The following ITGA6 variants were observed in gnomAD, a reference collection of about 807,000 sequenced individuals.
The protein encoded by ITGA6 is integrin alpha-6.
Under a neutral mutation model 133.6 loss-of-function variants are expected in ITGA6, and 63 were observed. That is an observed-to-expected ratio of 0.47 (90% CI 0.38 to 0.58). The LOEUF (loss-of-function observed/expected upper bound fraction) is 0.58. Among genes scored for constraint, ITGA6 ranks in the 20% least tolerant of loss-of-function variants. The pLI is 0.00. For missense variants in ITGA6, 1,068 were observed against 1,309.4 expected, an observed-to-expected ratio of 0.82 and a Z score of 2.85; for synonymous variants, 434 against 482.0, an observed-to-expected ratio of 0.90 and a Z score of 1.30.
intron 1 of ITGA6, among the ~76,000 whole-genome samples, chr2:172,435,565 G>C (rs1437831749): frequency 8.6e-5 from 13 of 151,074 alleles, no homozygotes; most frequent in Non-Finnish European, 1.5e-5. Context: ...CCTGTTGATT[G>C]GACCTAAGGA....
intron 1 of ITGA6, among the ~76,000 whole-genome samples, chr2:172,438,863 A>G (rs1044247827): frequency 2.0e-5 from 3 of 151,930 alleles, no homozygotes; most frequent in African/African-American, 4.8e-5. Context: ...ACAGGCCGCC[A>G]TGAAGTATAC....
chr2:172,487,266 A>G lies in ITGA6; in HGVS notation c.1973A>G (p.Gln658Arg), dbSNP rs767064240. ...NQDKFSYLPIQKGVPELVLKD... is the reference protein window; with the variant it reads ...NQDKFSYLPIRKGVPELVLKD... ...TCTTGTTTTCTTATTTTTAATAGTCAAAAAGGTGTACCAGAACTAGTTCTA... is the reference window on the plus strand; with the variant it reads ...TCTTGTTTTCTTATTTTTAATAGTCGAAAAGGTGTACCAGAACTAGTTCTA... The change falls in exon 15 of 26, where the codon CAA (glutamine) becomes CGA (arginine). Residue 658 changes from glutamine (Q) to arginine (R), a missense_variant and splice_region_variant. Physicochemically the swap from Gln to Arg is conservative, Grantham distance 43. Transcript: ENST00000684293. 3 of 1,611,050 alleles carry G rather than the reference A, an allele frequency of 1.9e-6. No individual in the cohort carries two copies. The South Asian group carries it at 3.3e-5, about 18-fold the overall frequency.
rs76161567 is a variant in ITGA6 at position 172,453,036 on chromosome 2, G to A, written c.183-12503G>A. Among the ~76,000 whole-genome samples the A allele has an allele frequency of 9.6e-3, 1,465 of 152,278 alleles. 22 individuals are homozygous for A. The highest frequency in any genetic ancestry group is 0.033 in the African/African-American group (1,375 of 41,550). On this transcript the variant is annotated intron_variant, in intron 1 of 25. Transcript: ENST00000684293. ...GGGAGGTGGGCCCCGTCACAGCATA[G>A]GGCAGAGCAGTCACTTAGCAAGGAG... is the stretch of plus-strand genomic sequence containing the variant.
At chr2:172,456,438 G>A (rs951447270) in intron 1 of ITGA6, among the ~76,000 whole-genome samples, 6 of 152,192 alleles carry the variant, frequency 3.9e-5, no homozygotes, top group South Asian at 2.1e-4. Context: ...CTTTCTATCC[G>A]AGCCTGGGGT....
At chr2:172,493,363 A>G (rs748414664) in intron 23 of ITGA6, among the ~76,000 whole-genome samples, 2 of 152,218 alleles carry the variant, frequency 1.3e-5, no homozygotes, top group African/African-American at 4.8e-5. Context: ...CTTTCTCTGC[A>G]TCTATAAAGG....
At chr2:172,468,687 G>C (rs951348059) in intron 3 of ITGA6, among the ~76,000 whole-genome samples, 5 of 152,130 alleles carry the variant, frequency 3.3e-5, no homozygotes, top group Non-Finnish European at 7.4e-5. Context: ...GTGTTTGTTT[G>C]ATCCCTATGA....
chr2:172,453,503 A>G (rs1439886230), intron 1 of ITGA6, among the ~76,000 whole-genome samples: 3 of 152,198 alleles, frequency 2.0e-5, no homozygotes, highest in Non-Finnish European at 4.4e-5. Context: ...CCTGGGCAAC[A>G]GAGCAAAACC....
At chr2:172,475,378 G>A (rs1446964432) in intron 7 of ITGA6, among the ~76,000 whole-genome samples, 1 of 152,076 alleles carries the variant, frequency 6.6e-6, no homozygotes, top group Non-Finnish European at 1.5e-5. Context: ...CAGGAGAATT[G>A]CTTGAACCCG....
intron 1 of ITGA6, 39 bp downstream of exon 1, chr2:172,428,009 G>A (rs765897110): frequency 1.9e-6 from 3 of 1,575,592 alleles, no homozygotes; most frequent in African/African-American, 1.4e-5. Context: ...CTGGGGCGCC[G>A]GCCTGCGCGC....
At chr2:172,443,139 A>C (rs1208787179) in intron 1 of ITGA6, among the ~76,000 whole-genome samples, 1 of 152,110 alleles carries the variant, frequency 6.6e-6, no homozygotes, top group Non-Finnish European at 1.5e-5. Context: ...CTACCTATAC[A>C]TTTACAAGCA....
chr2:172,494,007 C>CCT (rs1237819192), intron 23 of ITGA6, among the ~76,000 whole-genome samples: 3 of 152,136 alleles, frequency 2.0e-5, no homozygotes, highest in Admixed American at 1.3e-4. Context: ...TATCTAGAAC[C>CCT]CATGTCTTTT....
intron 1 of ITGA6, among the ~76,000 whole-genome samples, chr2:172,434,043 T>C (rs1254227795): frequency 6.6e-6 from 1 of 152,154 alleles, no homozygotes; most frequent in East Asian, 1.9e-4. Flanking sequence ...CACACCTCCA[T>C]CCCTAGGAGG....
At chr2:172,502,624 C>T (rs1170433466) in intron 25 of ITGA6, among the ~76,000 whole-genome samples, 4 of 152,122 alleles carry the variant, frequency 2.6e-5, no homozygotes, top group Admixed American at 6.5e-5. Context: ...AATTCTAGTA[C>T]AAAAAATACC....
At chr2:172,502,579 G>A (rs557003818) in intron 25 of ITGA6, among the ~76,000 whole-genome samples, 1 of 152,332 alleles carries the variant, frequency 6.6e-6, no homozygotes, top group South Asian at 2.1e-4. Context: ...AACTTCAGAA[G>A]ATGATCCCTT....
chr2:172,479,806 T>C, intron 10 of ITGA6, 67 bp downstream of exon 10: 1 of 1,409,094 alleles, frequency 7.1e-7, no homozygotes. Context: ...ATGACTCTAT[T>C]GTCCTGAGGA....
chr2:172,428,164 T>G, intron 1 of ITGA6, 194 bp downstream of exon 1: 1 of 314,842 alleles, frequency 3.2e-6, no homozygotes. Context: ...CCTCCCTCCA[T>G]TCAGCTCGGG....
intron 1 of ITGA6, among the ~76,000 whole-genome samples, chr2:172,429,175 G>GTT (rs11366206): frequency 4.4e-4 from 65 of 147,942 alleles, no homozygotes; most frequent in Middle Eastern, 3.5e-3. Flanking sequence ...ATTTTAGTCA[G>GTT]TTTTTTTTTT....
At chr2:172,475,429 C>T (rs1043627262) in intron 7 of ITGA6, among the ~76,000 whole-genome samples, 168 bp from the exon 8 acceptor site, 1 of 152,070 alleles carries the variant, frequency 6.6e-6, no homozygotes. Context: ...CGCCATTGCA[C>T]TCCAGCCTGG....
chr2:172,453,516 G>T (rs114161133), intron 1 of ITGA6, among the ~76,000 whole-genome samples: 7,973 of 152,202 alleles, frequency 0.052, 367 homozygotes, highest in East Asian at 0.26. Context: ...GCAAAACCCT[G>T]TCTCAGAAAG....
Sources: gnomAD v4.1 joint callset for allele counts (sites outside exome capture counted in the v4.1 genomes callset) on GRCh38, gnomAD v4.1.1 for gene constraint, MANE v1.5 for transcripts, NCBI Gene and HGNC (gene_info 2026-07-23, HGNC 2026-07-21) for gene names.